TNS3: variants seen among roughly 807,000 people sequenced by gnomAD.
TNS3 encodes the protein tensin 3.
In TNS3, 45 loss-of-function variants were observed where a neutral mutation model predicts 140.9. The ratio of observed to expected loss-of-function variants is 0.32; its 90% CI spans 0.25 to 0.41. The LOEUF (loss-of-function observed/expected upper bound fraction) is 0.41, where lower values mean the gene tolerates loss of function less well. Ranked by LOEUF, TNS3 falls within the 10% of genes least tolerant of loss-of-function variation. The pLI is 1.00. For synonymous variants in TNS3, 815 were observed against 788.4 expected (o/e 1.03, Z -0.56); for missense variants, 1,716 against 1,906.7 (o/e 0.90, Z 1.86).
intron 2 of TNS3, among the ~76,000 whole-genome samples, chr7:47,519,521 G>A (rs1798892381): frequency 6.6e-6 from 1 of 152,140 alleles, no homozygotes; most frequent in African/African-American, 2.4e-5. Context: ...TGTAAACCAG[G>A]AGCACCCTCC....
chr7:47,563,270 GC>G (rs2152001414), intron 1 of TNS3, among the ~76,000 whole-genome samples: 1 of 152,358 alleles, frequency 6.6e-6, no homozygotes, highest in South Asian at 2.1e-4. Context: ...AAAGTCCACA[GC>G]CCTACCATCT....
chr7:47,560,913 G>A (rs1276786916), intron 1 of TNS3, among the ~76,000 whole-genome samples: 4 of 152,186 alleles, frequency 2.6e-5, no homozygotes, highest in Admixed American at 6.5e-5. Flanking sequence ...CAGGCCATGG[G>A]TGTCCCCATA....
intron 2 of TNS3, among the ~76,000 whole-genome samples, chr7:47,518,687 GTAAA>G (rs1321216837): frequency 6.6e-6 from 1 of 152,114 alleles, no homozygotes; most frequent in Non-Finnish European, 1.5e-5. Flanking sequence ...AAATAAATAA[GTAAA>G]TAAATAAATA....
Position 47,275,755 on chromosome 7 carries a change from G to A in TNS3, c.*2321C>T, listed in dbSNP as rs1299779608. 2.2e-6 allele frequency: 1 copy of A among 453,286 alleles called. No homozygotes were observed. The highest frequency in any genetic ancestry group is 7.0e-5 in the East Asian group (1 of 14,358). The allele number at this position is 453,286 out of a possible 1,614,324, so 28.1% of individuals were successfully genotyped here. On this transcript the variant is annotated 3_prime_UTR_variant, in exon 31 of 31. Coordinates refer to ENST00000311160, the MANE Select transcript of TNS3 (RefSeq NM_022748.12). ...ATCTGCTTGGAGCAAATTCCCCGAT[G>A]CCCTTGACCACGTTTACCTTGTGTA...
chr7:47,292,732 T>C (rs926300339), intron 26 of TNS3, 96 bp downstream of exon 26: 5 of 1,139,320 alleles, frequency 4.4e-6, no homozygotes, highest in African/African-American at 3.1e-5. Flanking sequence ...TCCAGTCTTA[T>C]TATTTTTCTC....
chr7:47,398,202 A>G (rs887888508), intron 15 of TNS3, among the ~76,000 whole-genome samples: 9 of 152,174 alleles, frequency 5.9e-5, no homozygotes, highest in African/African-American at 1.7e-4. Flanking sequence ...CCAGGGCCAG[A>G]TGGATTCACA....
chr7:47,527,653 C>G (rs918405839), intron 2 of TNS3, among the ~76,000 whole-genome samples: 6 of 152,216 alleles, frequency 3.9e-5, no homozygotes, highest in Admixed American at 6.5e-5. Context: ...TGGCTCAAAC[C>G]TGTAATCCCA....
chr7:47,471,991 C>T (rs1169412153), intron 4 of TNS3, among the ~76,000 whole-genome samples: 1 of 152,176 alleles, frequency 6.6e-6, no homozygotes, highest in Non-Finnish European at 1.5e-5. Flanking sequence ...GAAACCAAGG[C>T]GGCAGGCTGC....
chr7:47,533,829 T>G (rs1205126635), intron 1 of TNS3, among the ~76,000 whole-genome samples: 1 of 152,134 alleles, frequency 6.6e-6, no homozygotes, highest in Non-Finnish European at 1.5e-5. Context: ...TGCTGCCATG[T>G]GAGATGTGCC....
In TNS3 at chr7:47,278,030, C is replaced by T. The variant is rs769393361; in HGVS notation, c.*46G>A. Reference sequence around the variant, plus strand: ...CCCACCCTCACCCAACGGCTGTCTCCAGGGCTTCGAGAGGCATCGGTGGGT... The same window carrying T: ...CCCACCCTCACCCAACGGCTGTCTCTAGGGCTTCGAGAGGCATCGGTGGGT... On this transcript the variant is annotated 3_prime_UTR_variant, in exon 31 of 31. Transcript: ENST00000311160. The T allele has an allele frequency of 1.2e-5, 19 of 1,613,498 alleles. No homozygotes were observed. In the South Asian group the frequency reaches 2.1e-4, roughly 18 times the overall value.
chr7:47,529,984 C>T (rs1296616215), intron 1 of TNS3, among the ~76,000 whole-genome samples: 1 of 152,228 alleles, frequency 6.6e-6, no homozygotes, highest in African/African-American at 2.4e-5. Context: ...GGTACAACTA[C>T]TTTAGAAAAT....
Position 47,523,863 on chromosome 7 carries a change from C to A in TNS3, c.-153+5173G>T, listed in dbSNP as rs1799079939. Among the ~76,000 whole-genome samples the A allele has an allele frequency of 2.0e-5, 3 of 152,214 alleles. No homozygotes were observed. In the South Asian group the frequency reaches 6.2e-4, roughly 32 times the overall value. On this transcript the variant is annotated intron_variant, in intron 2 of 30. Transcript: ENST00000311160. ...AGGACCCAGGGACCATGGGGACAGACCCTACTGAAGCCCACCAGGCCAGAG... is the reference window on the plus strand; with the variant it reads ...AGGACCCAGGGACCATGGGGACAGAACCTACTGAAGCCCACCAGGCCAGAG...
chr7:47,538,904 T>A (rs1041921114), intron 1 of TNS3, among the ~76,000 whole-genome samples: 1 of 152,172 alleles, frequency 6.6e-6, no homozygotes, highest in African/African-American at 2.4e-5. Context: ...TTTTCAAACA[T>A]TTTTCCCTGA....
intron 1 of TNS3, among the ~76,000 whole-genome samples, chr7:47,537,834 C>G (rs1408459009): frequency 6.6e-5 from 10 of 152,112 alleles, no homozygotes; most frequent in Non-Finnish European, 8.8e-5. Flanking sequence ...GGAGCCTGGC[C>G]TTGCAGAGAG....
chr7:47,426,890 C>T (rs10276429), intron 9 of TNS3, among the ~76,000 whole-genome samples: 109 of 152,078 alleles, frequency 7.2e-4, no homozygotes, highest in African/African-American at 2.5e-3. Context: ...CTTTGGCAGG[C>T]CGAGGTGAGT....
chr7:47,334,191 G>A lies in TNS3; in HGVS notation c.2650+10564C>T, dbSNP rs115673174. On this transcript the variant is annotated intron_variant, in intron 20 of 30. Transcript: ENST00000311160. Reference sequence around the variant, plus strand: ...TGATCAGTCTCATGCACTGGCACTTGGATGGAGGCAATCCTCCCAGCCCTT... The same window carrying A: ...TGATCAGTCTCATGCACTGGCACTTAGATGGAGGCAATCCTCCCAGCCCTT... Among the ~76,000 whole-genome samples the A allele has an allele frequency of 6.9e-3, 1,046 of 152,282 alleles. 9 individuals carry two copies. The highest frequency in any genetic ancestry group is 0.02 in the African/African-American group (834 of 41,546).
intron 13 of TNS3, among the ~76,000 whole-genome samples, 165 bp from the exon 14 acceptor site, chr7:47,401,079 G>A (rs1247416450): frequency 1.3e-5 from 2 of 152,210 alleles, no homozygotes; most frequent in Admixed American, 6.5e-5. Context: ...ACAGGCGCCT[G>A]CAGACAGCTG....
intron 16 of TNS3, among the ~76,000 whole-genome samples, chr7:47,377,181 A>C (rs2151197417): frequency 6.6e-6 from 1 of 152,274 alleles, no homozygotes; most frequent in East Asian, 1.9e-4. Flanking sequence ...CAATAAGTGG[A>C]GGCTTATTGG....
At position 47,302,930 on chromosome 7, in the gene TNS3, C is replaced by T; in HGVS notation, c.3457+20G>A. ...TGAATGGACAGAGGGGCCCTTCCAACCAGCTGGAAACACACCTACCTGGCA... is the reference window on the plus strand; with the variant it reads ...TGAATGGACAGAGGGGCCCTTCCAATCAGCTGGAAACACACCTACCTGGCA... On this transcript the variant is annotated intron_variant, in intron 22 of 30. Coordinates refer to ENST00000311160, the MANE Select transcript of TNS3 (RefSeq NM_022748.12). The T allele has an allele frequency of 6.3e-7, 1 of 1,574,860 alleles. No individual in the cohort carries two copies. Among genetic ancestry groups the T allele is most frequent in the Non-Finnish European group, 8.6e-7 (1 of 1,157,972 alleles).
Sources: allele counts gnomAD v4.1 joint callset (sites outside exome capture counted in the v4.1 genomes callset), GRCh38; gene constraint gnomAD v4.1.1; transcripts MANE v1.5; gene names NCBI Gene and HGNC (gene_info 2026-07-23, HGNC 2026-07-21).